The following STON2 variants were observed in gnomAD, a reference collection of about 807,000 sequenced individuals.
STON2 encodes the protein stonin 2, also known as stonin-2.
A neutral mutation model predicts 65.7 loss-of-function variants in STON2; 29 were observed. The observed-to-expected ratio is 0.44, with a 90% confidence interval of 0.33 to 0.60. The LOEUF (loss-of-function observed/expected upper bound fraction) is 0.60, where lower values mean the gene tolerates loss of function less well. Ranked by LOEUF, STON2 falls within the 20% of genes least tolerant of loss-of-function variation. The probability of loss-of-function intolerance (pLI) is 0.03; values close to 1 mark genes in which losing one functional copy is unlikely to be tolerated. For synonymous variants in STON2, 404 were observed against 414.2 expected, an observed-to-expected ratio of 0.98 and a Z score of 0.30; for missense variants, 1,054 against 1,118.1, an observed-to-expected ratio of 0.94 and a Z score of 0.82.
intron 2 of STON2, among the ~76,000 whole-genome samples, chr14:81,416,450 G>A (rs1011032443): frequency 5.3e-5 from 8 of 152,198 alleles, no homozygotes; most frequent in African/African-American, 1.9e-4. Flanking sequence ...GGCTCAATGC[G>A]AGGCATCAGT....
intron 1 of STON2, among the ~76,000 whole-genome samples, chr14:81,428,889 TC>T (rs1902109860): frequency 6.6e-6 from 1 of 152,188 alleles, no homozygotes; most frequent in African/African-American, 2.4e-5. Context: ...CTGGCAATGG[TC>T]TAGTGTCTAA....
chr14:81,289,195 T>A (rs1446327177), intron 5 of STON2, among the ~76,000 whole-genome samples: 4 of 152,152 alleles, frequency 2.6e-5, no homozygotes, highest in Non-Finnish European at 5.9e-5. Context: ...TAAAGTGGAA[T>A]TAGATGGGAC....
intron 5 of STON2, among the ~76,000 whole-genome samples, chr14:81,304,217 C>T (rs1472056832): frequency 1.3e-5 from 2 of 152,132 alleles, no homozygotes; most frequent in Middle Eastern, 3.2e-3. Flanking sequence ...CCCCACACAC[C>T]TATTATGGAG....
intron 3 of STON2, among the ~76,000 whole-genome samples, chr14:81,378,246 C>T (rs1381748146): frequency 6.6e-6 from 1 of 152,100 alleles, no homozygotes; most frequent in African/African-American, 2.4e-5. Flanking sequence ...GACAGTGTTT[C>T]ACTCTGTTGT....
At chr14:81,328,933 T>C (rs1251800424) in intron 4 of STON2, among the ~76,000 whole-genome samples, 1 of 152,184 alleles carries the variant, frequency 6.6e-6, no homozygotes, top group African/African-American at 2.4e-5. Context: ...AGCGCCATGC[T>C]TCTTGTACAA....
intron 4 of STON2, among the ~76,000 whole-genome samples, chr14:81,341,203 T>C (rs1897594728): frequency 6.6e-6 from 1 of 152,174 alleles, no homozygotes; most frequent in South Asian, 2.1e-4. Flanking sequence ...GTTCACAGTT[T>C]CACTTCCAGT....
At chr14:81,305,967 C>T (rs550530861) in intron 5 of STON2, among the ~76,000 whole-genome samples, 1 of 152,096 alleles carries the variant, frequency 6.6e-6, no homozygotes, top group Non-Finnish European at 1.5e-5. Flanking sequence ...CAGCAAAAAC[C>T]AGCTATAACT....
chr14:81,341,603 A>C (rs989356895), intron 4 of STON2, among the ~76,000 whole-genome samples: 1 of 152,098 alleles, frequency 6.6e-6, no homozygotes, highest in African/African-American at 2.4e-5. Context: ...GCAATTGAGA[A>C]GGCACAATGG....
At chr14:81,416,222 C>T (rs1901424622) in intron 2 of STON2, among the ~76,000 whole-genome samples, 1 of 152,140 alleles carries the variant, frequency 6.6e-6, no homozygotes, top group African/African-American at 2.4e-5. Flanking sequence ...GAATAATAAG[C>T]GCTCAGTCAA....
chr14:81,385,049 C>T (rs904194215), intron 3 of STON2, among the ~76,000 whole-genome samples: 2 of 152,150 alleles, frequency 1.3e-5, no homozygotes, highest in Non-Finnish European at 1.5e-5. Context: ...GCAACTTCAA[C>T]GTGGGGAGAG....
At chr14:81,296,204 T>G (rs1369234336) in intron 5 of STON2, among the ~76,000 whole-genome samples, 3 of 152,190 alleles carry the variant, frequency 2.0e-5, no homozygotes, top group Non-Finnish European at 4.4e-5. Flanking sequence ...TGTATTTAAT[T>G]TTAGTACATA....
At position 81,262,127 on chromosome 14, in the gene STON2, CAATT is replaced by C. The variant is rs1293316926; in HGVS notation, c.*6283_*6286del. On this transcript the variant is annotated 3_prime_UTR_variant, in exon 8 of 8. Coordinates refer to ENST00000614646, the MANE Select transcript of STON2 (RefSeq NM_001394390.1). The stretch of plus-strand genomic sequence containing the variant: ...TAGAGCTGGAAAGGACTTGAAGAAA[CAATT>C]AATCCAACTTCCTCACTTTTTTGTC... 29 of 985,158 alleles carry C rather than the reference CAATT, an allele frequency of 2.9e-5. No homozygotes were observed. The highest frequency in any genetic ancestry group is 3.4e-5 in the Non-Finnish European group (28 of 829,856). 61.0% of individuals were successfully genotyped at this position (985,158 alleles called of 1,614,324 possible). A position where few individuals can be genotyped will look rare whatever the true frequency, so the allele number is the denominator to read the frequency against.
At chr14:81,320,041 G>C (rs561605639) in intron 5 of STON2, among the ~76,000 whole-genome samples, 2 of 152,116 alleles carry the variant, frequency 1.3e-5, no homozygotes, top group South Asian at 2.1e-4. Flanking sequence ...GGATTTGTCC[G>C]ATCTCTGCTA....
At chr14:81,284,435 A>C (rs1008890979) in intron 5 of STON2, among the ~76,000 whole-genome samples, 1 of 152,242 alleles carries the variant, frequency 6.6e-6, no homozygotes, top group African/African-American at 2.4e-5. Context: ...CCAGAGCCTA[A>C]TTCAGAGGAA....
Position 81,261,723 on chromosome 14 carries a change from G to A in STON2, c.*6691C>T. On this transcript the variant is annotated 3_prime_UTR_variant, in exon 8 of 8. Coordinates refer to ENST00000614646, the MANE Select transcript of STON2 (RefSeq NM_001394390.1). ...CTTGGAGGGTTAGACCTACTTCTGT[G>A]TCAGGTAGCACCCAAATCCTAACAT... 1 of 1,423,422 alleles carries A rather than the reference G, an allele frequency of 7.0e-7. No homozygotes were observed. Among genetic ancestry groups the A allele is most frequent in the African/African-American group, 1.4e-5 (1 of 70,002 alleles). 88.2% of individuals were successfully genotyped at this position (1,423,422 alleles called of 1,614,324 possible).
At chr14:81,376,471 C>G (rs1434734250) in intron 3 of STON2, among the ~76,000 whole-genome samples, 1 of 152,098 alleles carries the variant, frequency 6.6e-6, no homozygotes, top group East Asian at 1.9e-4. Context: ...ATAAAGTGAA[C>G]CAAGACTTAA....
chr14:81,396,303 G>C, intron 2 of STON2, 125 bp from the exon 3 acceptor site: 1 of 825,678 alleles, frequency 1.2e-6, no homozygotes, highest in Non-Finnish European at 1.9e-6. Context: ...TGAGTGGGGA[G>C]AAGAAAGAGC....
intron 5 of STON2, among the ~76,000 whole-genome samples, chr14:81,315,093 T>G (rs1285961545): frequency 6.6e-6 from 1 of 152,220 alleles, no homozygotes; most frequent in East Asian, 1.9e-4. Flanking sequence ...GAATGGTAAA[T>G]GCAGAGGAAA....
At chr14:81,405,460 G>GTTTTTT (rs376505307) in intron 2 of STON2, among the ~76,000 whole-genome samples, 15 of 63,314 alleles carry the variant, frequency 2.4e-4, no homozygotes, top group African/African-American at 6.1e-4. Context: ...AGTTACTATT[G>GTTTTTT]TTTTTTTTTT....
Sources: gnomAD v4.1 joint callset for allele counts (sites outside exome capture counted in the v4.1 genomes callset) on GRCh38, gnomAD v4.1.1 for gene constraint, MANE v1.5 for transcripts, NCBI Gene and HGNC (gene_info 2026-07-23, HGNC 2026-07-21) for gene names.